CTDSPL: variants seen among roughly 807,000 people sequenced by gnomAD.
CTDSPL encodes the protein CTD small phosphatase like.
CTDSPL carries 8 observed loss-of-function variants against 30.5 expected under a neutral mutation model. That is an observed-to-expected ratio of 0.26 (90% confidence interval 0.15 to 0.47). CTDSPL has a LOEUF of 0.47. Among genes scored for constraint, CTDSPL ranks in the 20% least tolerant of loss-of-function variants. The pLI is 0.99. For synonymous variants in CTDSPL, 110 were observed against 137.9 expected, an observed-to-expected ratio of 0.80 and a Z score of 1.42; for missense variants, 248 against 366.1, an observed-to-expected ratio of 0.68 and a Z score of 2.63.
chr3:37,913,768 G>A (rs560966274), intron 1 of CTDSPL, among the ~76,000 whole-genome samples: 6 of 152,308 alleles, frequency 3.9e-5, no homozygotes, highest in Middle Eastern at 6.8e-3. Context: ...GTTGGTTTCC[G>A]TCTGGTGAAC....
intron 1 of CTDSPL, among the ~76,000 whole-genome samples, chr3:37,871,750 GT>G (rs151135854): frequency 0.014 from 2,206 of 152,170 alleles, 47 homozygotes; most frequent in African/African-American, 0.05. Flanking sequence ...TGACATAAAT[GT>G]TAGATCTTTT....
chr3:37,953,150 C>T (rs981223338), intron 2 of CTDSPL, among the ~76,000 whole-genome samples: 7 of 152,166 alleles, frequency 4.6e-5, no homozygotes, highest in African/African-American at 1.7e-4. Context: ...CCTTCAAAAT[C>T]TGATGTGTAT....
chr3:37,961,992 C>T (rs921110285), intron 3 of CTDSPL, among the ~76,000 whole-genome samples: 8 of 152,176 alleles, frequency 5.3e-5, no homozygotes, highest in Non-Finnish European at 1.2e-4. Flanking sequence ...GATGGCAAGC[C>T]GTGGTCCCTT....
rs115362602 is a variant in CTDSPL, at chr3:37,919,575, G to A, written c.80-27482G>A. Among the ~76,000 whole-genome samples, 346 of 152,336 alleles carry A rather than the reference G, an allele frequency of 2.3e-3. 1 individual carries two copies. The highest frequency in any genetic ancestry group is 3.5e-3 in the Admixed American group (54 of 15,308). ...CAGAAAGGATTACTTAATAGTAGTA[G>A]GAGTTTTCTAATCCAAAACCAGGTC... is the stretch of plus-strand genomic sequence containing the variant. On this transcript the variant is annotated intron_variant, in intron 1 of 7. Coordinates refer to ENST00000273179, the MANE Select transcript of CTDSPL (RefSeq NM_001008392.2).
chr3:37,896,246 C>T (rs1396380189), intron 1 of CTDSPL, among the ~76,000 whole-genome samples: 2 of 152,078 alleles, frequency 1.3e-5, no homozygotes, highest in Non-Finnish European at 2.9e-5. Flanking sequence ...GAGGTACAGA[C>T]GTGCTGGGGT....
chr3:37,898,401 T>C (rs746137026), intron 1 of CTDSPL, among the ~76,000 whole-genome samples: 7 of 152,224 alleles, frequency 4.6e-5, no homozygotes, highest in Non-Finnish European at 1.0e-4. Flanking sequence ...CCACATATCA[T>C]GTCCAAATAA....
chr3:37,890,264 A>C (rs1251391944), intron 1 of CTDSPL, among the ~76,000 whole-genome samples: 1 of 152,256 alleles, frequency 6.6e-6, no homozygotes, highest in East Asian at 1.9e-4. Context: ...AATATTAAGC[A>C]AATGAAATAA....
At position 37,984,041 on chromosome 3, in the gene CTDSPL, A is replaced by G. The variant is rs993728351; in HGVS notation, c.*3174A>G. ...TTTAAAGATGGCTTTCTAATAAAAA[A>G]TCCAGAACCACACAGCCCTATGGTC... On this transcript the variant is annotated 3_prime_UTR_variant, in exon 8 of 8. Transcript: ENST00000273179. 1.9e-5 allele frequency: 5 copies of G among 267,380 alleles called. No homozygotes were observed. Among genetic ancestry groups the G allele is most frequent in the Non-Finnish European group, 4.0e-5 (5 of 126,202 alleles). 16.6% of individuals were successfully genotyped at this position (267,380 alleles called of 1,614,324 possible).
chr3:37,952,956 T>C (rs1371404934), intron 2 of CTDSPL, among the ~76,000 whole-genome samples: 1 of 152,260 alleles, frequency 6.6e-6, no homozygotes, highest in Non-Finnish European at 1.5e-5. Flanking sequence ...AACAGAAATA[T>C]AATGCGAGTC....
chr3:37,912,646 G>A (rs1698596982), intron 1 of CTDSPL, among the ~76,000 whole-genome samples: 1 of 152,218 alleles, frequency 6.6e-6, no homozygotes, highest in Admixed American at 6.5e-5. Flanking sequence ...TTATTTTGAA[G>A]GGAACTTGGC....
intron 4 of CTDSPL, among the ~76,000 whole-genome samples, chr3:37,966,284 G>A (rs766623468): frequency 2.6e-5 from 4 of 152,172 alleles, no homozygotes; most frequent in Non-Finnish European, 5.9e-5. Context: ...TATTCTTTAT[G>A]GTTTTTAAAG....
intron 2 of CTDSPL, among the ~76,000 whole-genome samples, chr3:37,948,808 CTTT>C (rs71635858): frequency 0.029 from 3,094 of 107,718 alleles, 22 homozygotes; most frequent in South Asian, 0.086. Flanking sequence ...TTCCAGCTTT[CTTT>C]TTTTTTTTTT....
chr3:37,918,051 G>C (rs1010975129), intron 1 of CTDSPL, among the ~76,000 whole-genome samples: 3 of 152,172 alleles, frequency 2.0e-5, no homozygotes, highest in Non-Finnish European at 2.9e-5. Flanking sequence ...GAGATGGGGA[G>C]CAGAGGCAAG....
chr3:37,963,956 G>A (rs902582971), intron 3 of CTDSPL, among the ~76,000 whole-genome samples: 2 of 136,866 alleles, frequency 1.5e-5, no homozygotes, highest in African/African-American at 5.5e-5. Flanking sequence ...GTTTCCTAGT[G>A]TTGGGGGTAA....
At chr3:37,866,274 G>A (rs1210980353) in intron 1 of CTDSPL, among the ~76,000 whole-genome samples, 1 of 151,844 alleles carries the variant, frequency 6.6e-6, no homozygotes, top group East Asian at 1.9e-4. Flanking sequence ...TTTAAAGCAG[G>A]AAAAATTTTG....
At chr3:37,879,364 A>G (rs1448379211) in intron 1 of CTDSPL, among the ~76,000 whole-genome samples, 1 of 152,148 alleles carries the variant, frequency 6.6e-6, no homozygotes, top group African/African-American at 2.4e-5. Context: ...ATTCCAGACA[A>G]CCTCCAAGGG....
chr3:37,951,929 A>T (rs1699114341), intron 2 of CTDSPL, among the ~76,000 whole-genome samples: 1 of 152,220 alleles, frequency 6.6e-6, no homozygotes, highest in African/African-American at 2.4e-5. Flanking sequence ...AACAAAGACC[A>T]AGACTACATC....
intron 6 of CTDSPL, among the ~76,000 whole-genome samples, chr3:37,973,724 C>A (rs779797016): frequency 5.8e-4 from 88 of 152,218 alleles, no homozygotes; most frequent in Non-Finnish European, 8.2e-4. Context: ...CTTCATTCAC[C>A]CAGCAAATAT....
intron 1 of CTDSPL, among the ~76,000 whole-genome samples, chr3:37,940,052 A>C (rs980254393): frequency 6.7e-6 from 1 of 149,846 alleles, no homozygotes; most frequent in Admixed American, 6.7e-5. Context: ...AGATCGCACC[A>C]CTGTACTCTA....
Sources: allele counts gnomAD v4.1 joint callset (sites outside exome capture counted in the v4.1 genomes callset), GRCh38; gene constraint gnomAD v4.1.1; transcripts MANE v1.5; gene names NCBI Gene and HGNC (gene_info 2026-07-23, HGNC 2026-07-21).